Variants in SLC14A2 observed in about 807,000 individuals in gnomAD.
SLC14A2 encodes urea transporter 2.
SLC14A2 carries 91 observed loss-of-function variants against 104.6 expected under a neutral mutation model. The observed-to-expected ratio is 0.87, with a 90% CI of 0.73 to 1.04. SLC14A2 has a LOEUF of 1.04. Ranked by LOEUF, SLC14A2 falls within the 50% of genes least tolerant of loss-of-function variation. SLC14A2 has a pLI of 0.00. For synonymous variants in SLC14A2, 476 were observed against 466.4 expected, an observed-to-expected ratio of 1.02 and a Z score of -0.27; for missense variants, 1,189 against 1,156.0, an observed-to-expected ratio of 1.03 and a Z score of -0.41.
chr18:45,547,571 G>C (rs546494936), intron 2 of SLC14A2, among the ~76,000 whole-genome samples: 13 of 152,334 alleles, frequency 8.5e-5, no homozygotes, highest in South Asian at 4.1e-4. Context: ...CTTGGGACCT[G>C]GGAACTGTAT....
chr18:45,539,726 A>C (rs1052802147), intron 2 of SLC14A2, among the ~76,000 whole-genome samples: 5 of 152,016 alleles, frequency 3.3e-5, no homozygotes, highest in Non-Finnish European at 7.4e-5. Flanking sequence ...TTTTAATTAC[A>C]TGTGACGAAA....
intron 4 of SLC14A2, among the ~76,000 whole-genome samples, chr18:45,629,073 C>T (rs370879446): frequency 6.6e-5 from 10 of 152,342 alleles, no homozygotes; most frequent in African/African-American, 2.4e-4. Context: ...CAAGGTCATG[C>T]TGTCCCCATC....
At chr18:45,251,577 G>A (rs1215409193) in intron 1 of SLC14A2, among the ~76,000 whole-genome samples, 4 of 152,150 alleles carry the variant, frequency 2.6e-5, no homozygotes, top group African/African-American at 9.7e-5. Context: ...AAAAGTGTAA[G>A]ACCTAGTTGT....
upstream of SLC14A2, among the ~76,000 whole-genome samples, chr18:45,613,098 A>C (rs1216546589): frequency 6.6e-6 from 1 of 152,082 alleles, no homozygotes; most frequent in Non-Finnish European, 1.5e-5. Context: ...GCAGTAGCGC[A>C]ATCTCGGCTC....
chr18:45,333,710 T>A (rs938475158), intron 1 of SLC14A2, among the ~76,000 whole-genome samples: 2 of 152,148 alleles, frequency 1.3e-5, no homozygotes, highest in African/African-American at 4.8e-5. Flanking sequence ...AGCCAACTAG[T>A]CTTTAATACG....
chr18:45,459,666 C>G (rs1240508245), intron 1 of SLC14A2, among the ~76,000 whole-genome samples: 1 of 152,324 alleles, frequency 6.6e-6, no homozygotes, highest in East Asian at 1.9e-4. Flanking sequence ...AGAAAGCACA[C>G]ACAGAATCGG....
At chr18:45,487,588 C>G (rs1305424769) in intron 2 of SLC14A2, among the ~76,000 whole-genome samples, 2 of 152,048 alleles carry the variant, frequency 1.3e-5, no homozygotes, top group African/African-American at 4.8e-5. Flanking sequence ...AGGTTGGGGT[C>G]CCCAAGCATC....
chr18:45,381,293 T>A (rs2085831945), intron 1 of SLC14A2, among the ~76,000 whole-genome samples: 2 of 152,234 alleles, frequency 1.3e-5, no homozygotes, highest in South Asian at 4.1e-4. Context: ...ATTTGGTTAA[T>A]AAATAATTAC....
At chr18:45,291,766 A>G (rs1483822985) in intron 1 of SLC14A2, among the ~76,000 whole-genome samples, 1 of 149,614 alleles carries the variant, frequency 6.7e-6, no homozygotes, top group African/African-American at 2.4e-5. Context: ...AAGCCTACAT[A>G]GGAGTCACGG....
chr18:45,308,204 T>C (rs1465369505), intron 1 of SLC14A2, among the ~76,000 whole-genome samples: 7 of 152,202 alleles, frequency 4.6e-5, no homozygotes, highest in Admixed American at 3.3e-4. Context: ...GGAGGGATCA[T>C]ACACCCAAAC....
At chr18:45,295,851 T>C (rs781293764) in intron 1 of SLC14A2, among the ~76,000 whole-genome samples, 9 of 152,194 alleles carry the variant, frequency 5.9e-5, no homozygotes, top group Non-Finnish European at 1.3e-4. Flanking sequence ...ACTTTAGCTA[T>C]ACGACTGCAT....
In SLC14A2 at chr18:45,665,967, A is replaced by T. The variant is rs1195940477; in HGVS notation, c.1475-170A>T. ...GGCCCAGATGGATCCATGACCAGTA[A>T]AAGAACAAAAGAGCCTTCGAGCTGC... is the stretch of plus-strand genomic sequence containing the variant. On this transcript the variant is annotated intron_variant, in intron 11 of 19. Transcript: ENST00000255226. Among the ~76,000 whole-genome samples the T allele has an allele frequency of 2.6e-5, 4 of 152,092 alleles. No homozygotes were observed. The East Asian group carries it at 7.7e-4, about 29-fold the overall frequency.
At chr18:45,548,612 G>A (rs1471113033) in intron 2 of SLC14A2, among the ~76,000 whole-genome samples, 1 of 152,210 alleles carries the variant, frequency 6.6e-6, no homozygotes, top group African/African-American at 2.4e-5. Flanking sequence ...GCTGATGTGG[G>A]ATGATTGCTT....
At chr18:45,266,463 T>G (rs1437527548) in intron 1 of SLC14A2, among the ~76,000 whole-genome samples, 1 of 152,180 alleles carries the variant, frequency 6.6e-6, no homozygotes, top group Non-Finnish European at 1.5e-5. Context: ...TTCATTTACA[T>G]TCTCCAAACT....
At chr18:45,265,896 A>G (rs973917551) in intron 1 of SLC14A2, among the ~76,000 whole-genome samples, 1 of 152,224 alleles carries the variant, frequency 6.6e-6, no homozygotes, top group Non-Finnish European at 1.5e-5. Context: ...GGGAGAGAAC[A>G]GTTACCAAAA....
At chr18:45,414,753 AAAAAAT>A (rs1459674209) in intron 1 of SLC14A2, among the ~76,000 whole-genome samples, 41 of 63,990 alleles carry the variant, frequency 6.4e-4, no homozygotes, top group African/African-American at 1.4e-3. Context: ...GTAAAAAAAA[AAAAAAT>A]ATATATATAT....
chr18:45,178,679 C>T, the SLC14A2 span, among the ~76,000 whole-genome samples: 1 of 152,242 alleles, frequency 6.6e-6, no homozygotes, highest in South Asian at 2.1e-4. Flanking sequence ...TAAAACATCA[C>T]CATAAGCACA....
At chr18:45,588,089 A>G (rs1387849814) in intron 2 of SLC14A2, among the ~76,000 whole-genome samples, 1 of 152,126 alleles carries the variant, frequency 6.6e-6, no homozygotes, top group Non-Finnish European at 1.5e-5. Flanking sequence ...ATGATCATGG[A>G]AAGACTGTCA....
In SLC14A2 at chr18:45,280,402, G is replaced by T. The variant is rs12604564; in HGVS notation, c.-125+67211G>T. On this transcript the variant is annotated intron_variant, in intron 1 of 20. Transcript: ENST00000586448. Reference sequence around the variant, plus strand: ...ATATAAGGGTGTTAAGGGGCCACAAGCAGGTTGGAAGCGGCAGGGAATGGT... The same window carrying T: ...ATATAAGGGTGTTAAGGGGCCACAATCAGGTTGGAAGCGGCAGGGAATGGT... Among the ~76,000 whole-genome samples the T allele has an allele frequency of 3.5e-3, 526 of 152,292 alleles. 16 individuals are homozygous for T. The East Asian group carries it at 0.072, about 21-fold the overall frequency.
Sources: allele counts gnomAD v4.1 joint callset (sites outside exome capture counted in the v4.1 genomes callset), GRCh38; gene constraint gnomAD v4.1.1; transcripts MANE v1.5; gene names NCBI Gene and HGNC (gene_info 2026-07-23, HGNC 2026-07-21).